The following CCDC169 variants were observed in gnomAD, a reference collection of about 807,000 sequenced individuals.
The protein encoded by CCDC169 is coiled-coil domain-containing protein 169.
A neutral mutation model predicts 36.0 loss-of-function variants in CCDC169; 30 were observed. The ratio of observed to expected loss-of-function variants is 0.83; its 90% CI spans 0.62 to 1.13. The LOEUF (loss-of-function observed/expected upper bound fraction) is 1.13, where lower values mean the gene tolerates loss of function less well. Among genes scored for constraint, CCDC169 ranks in the 50% most tolerant of loss-of-function variants. CCDC169 has a pLI of 0.00. For synonymous variants in CCDC169, 85 were observed against 81.5 expected, an observed-to-expected ratio of 1.04 and a Z score of -0.23; for missense variants, 245 against 245.9, an observed-to-expected ratio of 1.00 and a Z score of 0.03.
chr13:36,233,161 A>G (rs539952057), intron 7 of CCDC169, among the ~76,000 whole-genome samples: 41 of 152,360 alleles, frequency 2.7e-4, no homozygotes, highest in Middle Eastern at 3.4e-3. Context: ...TAGGAGATTT[A>G]TTGATGCTAG....
At chr13:36,229,771 G>T (rs548484961), downstream of CCDC169, among the ~76,000 whole-genome samples, 8 of 152,008 alleles carry the variant, frequency 5.3e-5, no homozygotes, top group South Asian at 1.5e-3. Context: ...TCAAACTCCT[G>T]GACTCAAGTG....
chr13:36,246,666 A>T (rs1422940752), intron 7 of CCDC169, among the ~76,000 whole-genome samples: 1 of 152,216 alleles, frequency 6.6e-6, no homozygotes, highest in Non-Finnish European at 1.5e-5. Flanking sequence ...GGAATTAAAT[A>T]TGTCTTATGT....
intron 4 of CCDC169, among the ~76,000 whole-genome samples, chr13:36,281,759 G>A (rs1005416143): frequency 6.6e-6 from 1 of 152,028 alleles, no homozygotes; most frequent in Non-Finnish European, 1.5e-5. Context: ...CTATTCAGGA[G>A]GCTGAGGTGA....
chr13:36,236,371 CAA>C (rs1871082458), intron 7 of CCDC169, among the ~76,000 whole-genome samples: 1 of 151,872 alleles, frequency 6.6e-6, no homozygotes, highest in Admixed American at 6.6e-5. Flanking sequence ...TGTTTTTTTA[CAA>C]GAGTGCCAAG....
chr13:36,258,422 G>A (rs988355150), intron 4 of CCDC169, among the ~76,000 whole-genome samples: 3 of 152,166 alleles, frequency 2.0e-5, no homozygotes, highest in African/African-American at 7.2e-5. Context: ...GAAATAGGAG[G>A]TTGGCACAAG....
At chr13:36,278,824 A>G (rs1043996605) in intron 4 of CCDC169, among the ~76,000 whole-genome samples, 11 of 152,136 alleles carry the variant, frequency 7.2e-5, no homozygotes, top group African/African-American at 2.7e-4. Context: ...CAGAGAAGCA[A>G]CTTTCCATAA....
chr13:36,253,169 G>C (rs186021538), intron 6 of CCDC169, among the ~76,000 whole-genome samples: 26 of 152,214 alleles, frequency 1.7e-4, no homozygotes, highest in African/African-American at 6.0e-4. Flanking sequence ...TCCATCTCTC[G>C]AGATCTTACC....
At chr13:36,293,884 C>T (rs1879191194) in intron 2 of CCDC169, among the ~76,000 whole-genome samples, 1 of 151,968 alleles carries the variant, frequency 6.6e-6, no homozygotes, top group Non-Finnish European at 1.5e-5. Context: ...GGGTGATTTG[C>T]TATGCAGCAA....
intron 6 of CCDC169, among the ~76,000 whole-genome samples, chr13:36,253,196 T>C (rs1028671590): frequency 3.9e-5 from 6 of 152,238 alleles, no homozygotes; most frequent in Admixed American, 1.3e-4. Context: ...AATTATAAAG[T>C]GAAGTGCCTT....
At chr13:36,227,132 G>A (rs1204235003), downstream of CCDC169, 2 of 992,248 alleles carry the variant, frequency 2.0e-6, no homozygotes, top group African/African-American at 1.6e-5. Flanking sequence ...AATTTCCTGG[G>A]GGAGGCTTAA....
downstream of CCDC169, among the ~76,000 whole-genome samples, chr13:36,228,911 T>C (rs1870131133): frequency 6.6e-6 from 1 of 152,230 alleles, no homozygotes; most frequent in Non-Finnish European, 1.5e-5. Flanking sequence ...ACTTTTTCTC[T>C]ACTTGTATAT....
Position 36,230,833 on chromosome 13 carries a change from A to G in CCDC169, c.*360T>C. 1 of 992,704 alleles carries G rather than the reference A, an allele frequency of 1.0e-6. No individual in the cohort carries two copies. Among genetic ancestry groups the G allele is most frequent in the Non-Finnish European group, 1.2e-6 (1 of 835,148 alleles). 61.5% of individuals were successfully genotyped at this position (992,704 alleles called of 1,614,324 possible). On this transcript the variant is annotated 3_prime_UTR_variant, in exon 8 of 8. Coordinates refer to ENST00000239859, the MANE Select transcript of CCDC169 (RefSeq NM_001144981.3). The stretch of plus-strand genomic sequence containing the variant: ...AGCAAGATCCAGCCCAAAATGGCAA[A>G]AAGGTTTTATGAATACACACTTTTT...
chr13:36,288,996 G>T (rs1566091129), intron 2 of CCDC169, among the ~76,000 whole-genome samples: 1 of 151,964 alleles, frequency 6.6e-6, no homozygotes, highest in Non-Finnish European at 1.5e-5. Context: ...TTATGATAAG[G>T]TTCATAAAAG....
rs1873506054 is a variant in CCDC169 at position 36,253,995 on chromosome 13, G to A, written c.414+50C>T. On this transcript the variant is annotated intron_variant, in intron 5 of 7. Transcript: ENST00000239859. The stretch of plus-strand genomic sequence containing the variant: ...TAGAGTAGGTTTGTAGATAACATTA[G>A]AAATAATGGCAGTTTCAAAGGAATT... 4 of 1,530,988 alleles carry A rather than the reference G, an allele frequency of 2.6e-6. No individual in the cohort carries two copies. The East Asian group carries it at 9.8e-5, about 38-fold the overall frequency. The allele number at this position is 1,530,988 out of a possible 1,614,324, so 94.8% of individuals were successfully genotyped here. A position where few individuals can be genotyped will look rare whatever the true frequency, so the allele number is the denominator to read the frequency against.
At chr13:36,265,731 T>C (rs1199273216) in intron 4 of CCDC169, among the ~76,000 whole-genome samples, 2 of 152,226 alleles carry the variant, frequency 1.3e-5, no homozygotes, top group African/African-American at 4.8e-5. Context: ...CCTACCATGA[T>C]AGCTTTTACT....
Position 36,231,283 on chromosome 13 carries a change from A to G in CCDC169, c.555T>C (p.Tyr185=), listed in dbSNP as rs1210624783. The G allele has an allele frequency of 6.4e-7, 1 of 1,551,206 alleles. No homozygotes were observed. The highest frequency in any genetic ancestry group is 2.0e-5 in the Admixed American group (1 of 50,966). The change falls in exon 8 of 8, where the codon TAT becomes TAC. Residue 185 remains tyrosine (Y), a synonymous_variant. Coordinates refer to ENST00000239859, the MANE Select transcript of CCDC169 (RefSeq NM_001144981.3). ...MQENLVKTGR[Y]NPAKQKTVSA... ...TCACTGTCTTCTGCTTAGCTGGATTATATCTTCCACTGAAATAAATAAGTG... is the reference window on the plus strand; with the variant it reads ...TCACTGTCTTCTGCTTAGCTGGATTGTATCTTCCACTGAAATAAATAAGTG...
intron 7 of CCDC169, among the ~76,000 whole-genome samples, chr13:36,241,971 T>C (rs1362631614): frequency 6.6e-6 from 1 of 152,054 alleles, no homozygotes; most frequent in African/African-American, 2.4e-5. Context: ...TGAAAATGTG[T>C]AGCACTTCCC....
At chr13:36,246,958 C>T (rs947180247) in intron 7 of CCDC169, among the ~76,000 whole-genome samples, 4 of 152,280 alleles carry the variant, frequency 2.6e-5, no homozygotes, top group African/African-American at 9.6e-5. Flanking sequence ...GAAGACAATG[C>T]CTCGCTTCAA....
At chr13:36,284,915 C>A (rs1327183875) in intron 2 of CCDC169, among the ~76,000 whole-genome samples, 1 of 152,086 alleles carries the variant, frequency 6.6e-6, no homozygotes, top group East Asian at 1.9e-4. Context: ...GGGATGGAAC[C>A]CCCTCCCATA....
Sources: allele counts gnomAD v4.1 joint callset (sites outside exome capture counted in the v4.1 genomes callset), GRCh38; gene constraint gnomAD v4.1.1; transcripts MANE v1.5; gene names NCBI Gene and HGNC (gene_info 2026-07-23, HGNC 2026-07-21).